The following UGGT2 variants were observed in gnomAD, a reference collection of about 807,000 sequenced individuals.
UGGT2 encodes the protein UDP-glucose:glycoprotein glucosyltransferase 2.
UGGT2 carries 180 observed loss-of-function variants against 192.1 expected under a neutral mutation model. That is an observed-to-expected ratio of 0.94 (90% CI 0.83 to 1.06). The LOEUF is 1.06. Ranked by LOEUF, UGGT2 falls within the 50% of genes least tolerant of loss-of-function variation. The pLI is 0.00. For missense variants in UGGT2, 1,849 were observed against 1,795.7 expected (o/e 1.03, Z -0.54); for synonymous variants, 580 against 591.0 (o/e 0.98, Z 0.27).
chr13:95,987,916 C>T (rs2051340667), intron 8 of UGGT2, among the ~76,000 whole-genome samples: 3 of 152,114 alleles, frequency 2.0e-5, no homozygotes, highest in Admixed American at 6.6e-5. Flanking sequence ...CCCTTGCCCT[C>T]AGATTTCTAG....
chr13:95,921,588 T>A (rs2048847177), intron 20 of UGGT2, among the ~76,000 whole-genome samples: 1 of 151,392 alleles, frequency 6.6e-6, no homozygotes, highest in African/African-American at 2.4e-5. Context: ...CATAAACAAA[T>A]CAAGAGGACA....
chr13:96,026,320 T>C (rs2052663425), intron 2 of UGGT2, among the ~76,000 whole-genome samples: 1 of 152,128 alleles, frequency 6.6e-6, no homozygotes, highest in African/African-American at 2.4e-5. Flanking sequence ...GCAAACTTTA[T>C]ATAACCAAGA....
chr13:95,967,890 A>G (rs1467939246), intron 12 of UGGT2, among the ~76,000 whole-genome samples: 1 of 152,170 alleles, frequency 6.6e-6, no homozygotes, highest in East Asian at 1.9e-4. Context: ...TTACATTTTT[A>G]TGTTATTGTA....
chr13:95,905,614 C>T (rs991220318), intron 20 of UGGT2, among the ~76,000 whole-genome samples: 62 of 151,828 alleles, frequency 4.1e-4, no homozygotes, highest in Admixed American at 2.5e-3. Flanking sequence ...TGTAGATATG[C>T]GGCGTTATTT....
chr13:95,859,246 C>T (rs1018351302), intron 33 of UGGT2, among the ~76,000 whole-genome samples: 4 of 152,108 alleles, frequency 2.6e-5, no homozygotes, highest in African/African-American at 9.7e-5. Flanking sequence ...CTTGATACTA[C>T]TACTGTTTCT....
chr13:95,884,476 T>C lies in UGGT2; in HGVS notation c.3228+15A>G, dbSNP rs2047587147. The C allele has an allele frequency of 6.3e-7, 1 of 1,594,838 alleles. No homozygotes were observed. Among genetic ancestry groups the C allele is most frequent in the Non-Finnish European group, 8.5e-7 (1 of 1,170,488 alleles). On this transcript the variant is annotated intron_variant, in intron 27 of 38. Transcript: ENST00000376747. The stretch of plus-strand genomic sequence containing the variant: ...CTGTTTCTCTCTCTTTATATGACTA[T>C]ACACAATAACTTACATCCTTTAAGT...
At chr13:95,833,174 G>C (rs1028099002) in intron 37 of UGGT2, 121 bp from the exon 38 acceptor site, 29 of 1,067,492 alleles carry the variant, frequency 2.7e-5, no homozygotes, top group Non-Finnish European at 3.4e-5. Context: ...CTAAGTACTG[G>C]AAGTTTAATA....
chr13:95,990,924 C>T (rs1201605109), intron 7 of UGGT2: 2 of 152,324 alleles, frequency 1.3e-5, no homozygotes, highest in African/African-American at 2.4e-5. Context: ...CTCCCTGTGT[C>T]CATGTGTTCT....
At chr13:96,041,705 C>T (rs2053169571) in intron 1 of UGGT2, among the ~76,000 whole-genome samples, 1 of 152,156 alleles carries the variant, frequency 6.6e-6, no homozygotes, top group South Asian at 2.1e-4. Context: ...GTGAGACTGG[C>T]CTTTTGGGTT....
chr13:95,929,823 A>G (rs1289222254), intron 17 of UGGT2, among the ~76,000 whole-genome samples: 1 of 152,036 alleles, frequency 6.6e-6, no homozygotes, highest in Non-Finnish European at 1.5e-5. Context: ...GCTGGGTTGA[A>G]TGGTAGTTCT....
intron 6 of UGGT2, among the ~76,000 whole-genome samples, chr13:95,998,866 C>G (rs2051707708): frequency 1.3e-5 from 2 of 152,124 alleles, no homozygotes; most frequent in South Asian, 4.1e-4. Flanking sequence ...GACCCAGATG[C>G]CTATGCCAGT....
chr13:95,828,981 G>A (rs1886355203), intron 38 of UGGT2, among the ~76,000 whole-genome samples: 3 of 152,102 alleles, frequency 2.0e-5, no homozygotes. Flanking sequence ...ATGATCAAGT[G>A]GGTTTCATCC....
intron 12 of UGGT2, among the ~76,000 whole-genome samples, chr13:95,959,017 C>T (rs2050303043): frequency 6.6e-6 from 1 of 152,212 alleles, no homozygotes; most frequent in African/African-American, 2.4e-5. Context: ...GTCCCACAAA[C>T]CCCTGAGTCC....
chr13:95,869,812 AAAT>A (rs1891066045), intron 29 of UGGT2, among the ~76,000 whole-genome samples: 1 of 152,200 alleles, frequency 6.6e-6, no homozygotes, highest in Non-Finnish European at 1.5e-5. Context: ...GGAAGCATTC[AAAT>A]AATTCATATT....
At chr13:95,850,258 G>C (rs1447657073) in intron 36 of UGGT2, among the ~76,000 whole-genome samples, 1 of 152,194 alleles carries the variant, frequency 6.6e-6, no homozygotes, top group East Asian at 1.9e-4. Flanking sequence ...AGAAAGAAAA[G>C]TAGTCTATAG....
chr13:95,975,357 A>C (rs535182055), intron 10 of UGGT2, among the ~76,000 whole-genome samples: 1 of 152,240 alleles, frequency 6.6e-6, no homozygotes, highest in Non-Finnish European at 1.5e-5. Flanking sequence ...GAATTAGAAA[A>C]CAAAATGCTC....
chr13:95,877,695 T>C lies in UGGT2; in HGVS notation c.3387+3A>G, dbSNP rs1233977636. ...TAAACACCATCAATTAAATAATACT[T>C]ACATGATGTGCCATCACTATTGTAT... On this transcript the variant is annotated splice_donor_region_variant and intron_variant, in intron 28 of 38. Transcript: ENST00000376747. The C allele has an allele frequency of 3.1e-6, 5 of 1,610,486 alleles. No homozygotes were observed. In the Admixed American group the frequency reaches 8.4e-5, roughly 27 times the overall value.
At chr13:95,994,772 G>A (rs1228131336) in intron 7 of UGGT2, among the ~76,000 whole-genome samples, 1 of 151,956 alleles carries the variant, frequency 6.6e-6, no homozygotes, top group Non-Finnish European at 1.5e-5. Flanking sequence ...ACCATATAGT[G>A]CAAATGAAGA....
rs765824048 is a variant in UGGT2, at chr13:95,927,174, C to G, written c.2101+39G>C. Reference sequence around the variant, plus strand: ...TTAAATATAAATAAAGAATTCACAACTCAATAAACATTTGTAGAACAGTAT... The same window carrying G: ...TTAAATATAAATAAAGAATTCACAAGTCAATAAACATTTGTAGAACAGTAT... On this transcript the variant is annotated intron_variant, in intron 18 of 38. Coordinates refer to ENST00000376747, the MANE Select transcript of UGGT2 (RefSeq NM_020121.4). 2.5e-6 allele frequency: 4 copies of G among 1,607,260 alleles called. No individual in the cohort carries two copies. The East Asian group carries it at 8.9e-5, about 36-fold the overall frequency.
Sources: gnomAD v4.1 joint callset for allele counts (sites outside exome capture counted in the v4.1 genomes callset) on GRCh38, gnomAD v4.1.1 for gene constraint, MANE v1.5 for transcripts, NCBI Gene and HGNC (gene_info 2026-07-23, HGNC 2026-07-21) for gene names.